The following ARNT2 variants were observed in gnomAD, a reference collection of about 807,000 sequenced individuals.
ARNT2 encodes the protein ARNT protein 2.
ARNT2 carries 36 observed loss-of-function variants against 91.7 expected under a neutral mutation model. The ratio of observed to expected loss-of-function variants is 0.39; its 90% CI spans 0.30 to 0.52. The LOEUF is 0.52. Among genes scored for constraint, ARNT2 ranks in the 20% least tolerant of loss-of-function variants. The probability of loss-of-function intolerance (pLI) is 0.72; values close to 1 mark genes in which losing one functional copy is unlikely to be tolerated. For missense variants in ARNT2, 775 were observed against 939.3 expected (o/e 0.83, Z 2.29); for synonymous variants, 365 against 347.1 (o/e 1.05, Z -0.57).
intron 5 of ARNT2, among the ~76,000 whole-genome samples, chr15:80,480,908 G>A (rs538706064): frequency 1.0e-3 from 156 of 152,234 alleles, no homozygotes; most frequent in Non-Finnish European, 1.9e-3. Flanking sequence ...TTGCATGGCT[G>A]TAGAAAGGTT....
intron 8 of ARNT2, among the ~76,000 whole-genome samples, chr15:80,546,548 T>C (rs1897993897): frequency 6.6e-6 from 1 of 152,190 alleles, no homozygotes; most frequent in Non-Finnish European, 1.5e-5. Context: ...TTGGGCACGA[T>C]TTTGAAAGAC....
chr15:80,587,827 T>C (rs1893201670), intron 17 of ARNT2, among the ~76,000 whole-genome samples: 1 of 152,134 alleles, frequency 6.6e-6, no homozygotes. Context: ...ATGTGGCTCA[T>C]GGGGGACATG....
intron 8 of ARNT2, among the ~76,000 whole-genome samples, chr15:80,524,869 T>C (rs1897614909): frequency 2.0e-5 from 3 of 147,210 alleles, no homozygotes; most frequent in Admixed American, 6.8e-5. Context: ...AGCCAGACTC[T>C]GTCTCAAAAA....
chr15:80,428,691 C>A (rs560135045), intron 1 of ARNT2, among the ~76,000 whole-genome samples: 1 of 152,292 alleles, frequency 6.6e-6, no homozygotes, highest in Non-Finnish European at 1.5e-5. Context: ...ATTCTGTCCT[C>A]TTCTGGAGGG....
intron 17 of ARNT2, among the ~76,000 whole-genome samples, chr15:80,590,856 G>T (rs1893263067): frequency 6.6e-6 from 1 of 152,178 alleles, no homozygotes; most frequent in Admixed American, 6.5e-5. Flanking sequence ...AAATGAATTT[G>T]CTGATTCCCA....
At chr15:80,580,252 C>T (rs1898765937) in intron 15 of ARNT2, 159 bp from the exon 16 acceptor site, 1 of 939,806 alleles carries the variant, frequency 1.1e-6, no homozygotes. Context: ...GGCCAAGGGG[C>T]TTTGAGGCTC....
At chr15:80,487,129 C>G (rs1896988324) in intron 5 of ARNT2, among the ~76,000 whole-genome samples, 1 of 152,150 alleles carries the variant, frequency 6.6e-6, no homozygotes, top group African/African-American at 2.4e-5. Flanking sequence ...TTGAATTCCT[C>G]CAGGCTGCCC....
At chr15:80,539,872 C>CA (rs1284729028) in intron 8 of ARNT2, among the ~76,000 whole-genome samples, 2 of 150,836 alleles carry the variant, frequency 1.3e-5, no homozygotes, top group Admixed American at 6.6e-5. Flanking sequence ...ATCAAAAAGA[C>CA]AAAAAATATT....
chr15:80,530,060 C>T (rs896460155), intron 8 of ARNT2, among the ~76,000 whole-genome samples: 1 of 152,100 alleles, frequency 6.6e-6, no homozygotes, highest in Non-Finnish European at 1.5e-5. Flanking sequence ...TTCCTTAACT[C>T]GGTATCTTCT....
Position 80,541,801 on chromosome 15 carries a change from C to T in ARNT2, c.878-9398C>T, listed in dbSNP as rs193258356. ...TGTAGATTGCACAGTCCTGCCCTGT[C>T]GTAGAGGCATTTTGTCACAAACAGC... On this transcript the variant is annotated intron_variant, in intron 8 of 18. Transcript: ENST00000303329. Among the ~76,000 whole-genome samples the T allele has an allele frequency of 1.4e-4, 22 of 152,346 alleles. No individual in the cohort carries two copies. The East Asian group carries it at 3.9e-3, about 27-fold the overall frequency.
chr15:80,447,133 G>A (rs1595966707), intron 1 of ARNT2, among the ~76,000 whole-genome samples: 3 of 148,004 alleles, frequency 2.0e-5, no homozygotes, highest in South Asian at 4.4e-4. Flanking sequence ...TCTTTTTTCT[G>A]TGCATATAAC....
chr15:80,425,890 A>G (rs1895925876), intron 1 of ARNT2, among the ~76,000 whole-genome samples: 1 of 152,144 alleles, frequency 6.6e-6, no homozygotes, highest in Non-Finnish European at 1.5e-5. Flanking sequence ...TGTGATAACA[A>G]ATCTTTTAAA....
intron 5 of ARNT2, among the ~76,000 whole-genome samples, chr15:80,506,530 G>T (rs1460914277): frequency 2.0e-5 from 3 of 152,188 alleles, no homozygotes; most frequent in Non-Finnish European, 1.5e-5. Context: ...AGATACCGAG[G>T]GTGGGGGATT....
intron 5 of ARNT2, among the ~76,000 whole-genome samples, chr15:80,480,154 G>T (rs891548881): frequency 6.6e-6 from 1 of 152,136 alleles, no homozygotes; most frequent in African/African-American, 2.4e-5. Flanking sequence ...GTGGTGTCAG[G>T]GAGGGGCCAC....
intron 12 of ARNT2, among the ~76,000 whole-genome samples, chr15:80,565,034 C>A (rs531407941): frequency 6.6e-6 from 1 of 151,918 alleles, no homozygotes; most frequent in Non-Finnish European, 1.5e-5. Context: ...GTGATTCTCC[C>A]ACCTCAGCCT....
intron 1 of ARNT2, among the ~76,000 whole-genome samples, chr15:80,447,680 G>A (rs1896326265): frequency 6.6e-6 from 1 of 152,218 alleles, no homozygotes; most frequent in Non-Finnish European, 1.5e-5. Flanking sequence ...TTCCAGGGAA[G>A]GCTGACAGCT....
At position 80,593,593 on chromosome 15, in the gene ARNT2, T is replaced by C. The variant is rs1304745915; in HGVS notation, c.2056-7T>C. ...CCCCTGTGGCTCTCTTTTCCTCTCC[T>C]CTGCAGGACATGCTGCCCATGCCAG... On this transcript the variant is annotated splice_region_variant and splice_polypyrimidine_tract_variant and intron_variant, in intron 18 of 18. Transcript: ENST00000303329. 1 of 1,583,906 alleles carries C rather than the reference T, an allele frequency of 6.3e-7. No individual in the cohort carries two copies. The highest frequency in any genetic ancestry group is 8.6e-7 in the Non-Finnish European group (1 of 1,162,402).
At chr15:80,491,384 G>A (rs1438504329) in intron 5 of ARNT2, among the ~76,000 whole-genome samples, 1 of 152,154 alleles carries the variant, frequency 6.6e-6, no homozygotes, top group Non-Finnish European at 1.5e-5. Flanking sequence ...ATCAGATCTT[G>A]TGAGACTTAT....
intron 3 of ARNT2, among the ~76,000 whole-genome samples, chr15:80,464,241 C>T (rs907447088): frequency 6.6e-6 from 1 of 151,764 alleles, no homozygotes; most frequent in East Asian, 1.9e-4. Flanking sequence ...GGCCTGTTCC[C>T]AGTCCTGGTA....
Sources: allele counts gnomAD v4.1 joint callset (sites outside exome capture counted in the v4.1 genomes callset), GRCh38; gene constraint gnomAD v4.1.1; transcripts MANE v1.5; gene names NCBI Gene and HGNC (gene_info 2026-07-23, HGNC 2026-07-21).